Variants in TTC3 observed in about 807,000 individuals in gnomAD.
The protein encoded by TTC3 is E3 ubiquitin-protein ligase TTC3.
A neutral mutation model predicts 249.6 loss-of-function variants in TTC3; 180 were observed. The ratio of observed to expected loss-of-function variants is 0.72; its 90% confidence interval spans 0.64 to 0.82. TTC3 has a LOEUF of 0.82. Ranked by LOEUF, TTC3 falls within the 40% of genes least tolerant of loss-of-function variation. TTC3 has a pLI of 0.00. For synonymous variants in TTC3, 717 were observed against 805.0 expected (o/e 0.89, Z 1.85); for missense variants, 2,061 against 2,398.4 (o/e 0.86, Z 2.94).
chr21:37,150,285 A>T (rs2079344177), intron 24 of TTC3, 115 bp downstream of exon 24: 2 of 748,078 alleles, frequency 2.7e-6, no homozygotes, highest in Admixed American at 5.5e-5. Flanking sequence ...GGAAAGAAAC[A>T]ATTACTTCAT....
exon 29 of TTC3, chr21:37,159,737 G>A (rs1052336817): frequency 6.2e-6 from 10 of 1,612,388 alleles, no homozygotes; most frequent in Non-Finnish European, 8.5e-6. Context: ...AGATAGTGGT[G>A]AAGCACCGGT....
chr21:37,192,693 A>G (rs2084325085), intron 41 of TTC3, among the ~76,000 whole-genome samples: 1 of 152,224 alleles, frequency 6.6e-6, no homozygotes, highest in Non-Finnish European at 1.5e-5. Context: ...TTCCTCCTCA[A>G]ATACAGAATA....
chr21:37,129,903 C>T (rs925659936), intron 16 of TTC3, among the ~76,000 whole-genome samples: 2 of 152,324 alleles, frequency 1.3e-5, no homozygotes, highest in South Asian at 2.1e-4. Context: ...CCTTGGCCTC[C>T]CAGAGTGCTG....
At chr21:37,126,033 G>A in intron 14 of TTC3, 47 bp from the exon 15 acceptor site, 1 of 1,464,370 alleles carries the variant, frequency 6.8e-7, no homozygotes, top group Non-Finnish European at 9.3e-7. Context: ...ATTCTTCATG[G>A]CTGGGTTGTT....
Position 37,079,517 on chromosome 21 carries a change from G to GTTTT in TTC3, c.-12+6184_-12+6187dup, listed in dbSNP as rs60361476. Among the ~76,000 whole-genome samples, 226 of 91,108 alleles carry GTTTT rather than the reference G, an allele frequency of 2.5e-3. 17 individuals are homozygous for GTTTT. Among genetic ancestry groups the GTTTT allele is most frequent in the African/African-American group, 8.7e-3 (181 of 20,720 alleles). 59.8% of individuals were successfully genotyped at this position (91,108 alleles called of 152,430 possible). A position where few individuals can be genotyped will look rare whatever the true frequency, so the allele number is the denominator to read the frequency against. On this transcript the variant is annotated intron_variant, in intron 1 of 45. Coordinates refer to ENST00000355666, the Ensembl canonical transcript of TTC3. ...GTCCTTTCATCAAGTTTATGGTATG[G>GTTTT]TTTTTTTTTTTTTTTTTTTTTTTTT...
In TTC3 at chr21:37,185,103, C is replaced by A. The variant is rs796626924; in HGVS notation, c.4758-603C>A. Among the ~76,000 whole-genome samples, 9 of 152,284 alleles carry A rather than the reference C, an allele frequency of 5.9e-5. No individual in the cohort carries two copies. In the South Asian group the frequency reaches 1.4e-3, roughly 25 times the overall value. On this transcript the variant is annotated intron_variant, in intron 36 of 45. Coordinates refer to ENST00000355666, the Ensembl canonical transcript of TTC3. ...AGAAGTAAAATAATAGTTAAACTGG[C>A]TTGTATTAGAAACAAGCGGCTTTAG...
At chr21:37,159,882 G>T (rs369223330) in intron 29 of TTC3, 137 bp downstream of exon 29, 7 of 592,578 alleles carry the variant, frequency 1.2e-5, no homozygotes, top group East Asian at 3.2e-5. Context: ...TGGGTAGTAC[G>T]TACTATTATT....
rs941243969 is a variant in TTC3, at chr21:37,073,475, T to G, written c.-12+111T>G. The G allele has an allele frequency of 1.5e-5, 15 of 985,242 alleles. No individual in the cohort carries two copies. The highest frequency in any genetic ancestry group is 1.8e-5 in the Non-Finnish European group (15 of 829,944). 61.0% of individuals were successfully genotyped at this position (985,242 alleles called of 1,614,324 possible). A position where few individuals can be genotyped will look rare whatever the true frequency, so the allele number is the denominator to read the frequency against. On this transcript the variant is annotated intron_variant, in intron 1 of 45. Coordinates refer to ENST00000355666, the Ensembl canonical transcript of TTC3. ...CCACACCCCCTCCGTGGGTGTGTGG[T>G]GAGTGTGGGTGTGTGCGCGTCTCCT...
chr21:37,148,583 T>C (rs576238256), exon 23 of TTC3: 2 of 1,603,346 alleles, frequency 1.2e-6, no homozygotes, highest in East Asian at 4.5e-5. Flanking sequence ...TACTGTAAAA[T>C]AGAATTTCAC....
intron 28 of TTC3, chr21:37,159,438 C>T (rs1037005109): frequency 4.8e-6 from 2 of 414,790 alleles, no homozygotes; most frequent in Non-Finnish European, 8.5e-6. Flanking sequence ...CATCTCTATT[C>T]CCAGGACTAG....
intron 13 of TTC3, 134 bp downstream of exon 13, chr21:37,123,162 A>G: frequency 1.2e-6 from 1 of 861,006 alleles, no homozygotes; most frequent in Non-Finnish European, 1.9e-6. Context: ...GAAGAGAGGT[A>G]GTTTTTTAAG....
At chr21:37,104,130 G>A (rs1416966434) in intron 10 of TTC3, among the ~76,000 whole-genome samples, 8 of 152,168 alleles carry the variant, frequency 5.3e-5, no homozygotes, top group South Asian at 2.1e-4. Flanking sequence ...GAAGTTGCTC[G>A]TGGTTGGTGT....
chr21:37,148,162 A>G (rs966445903), intron 22 of TTC3, among the ~76,000 whole-genome samples: 13 of 152,206 alleles, frequency 8.5e-5, no homozygotes, highest in African/African-American at 3.1e-4. Context: ...TTAGGAGGAT[A>G]GGAAACAAAG....
At chr21:37,179,286 C>T (rs1455461266) in intron 35 of TTC3, among the ~76,000 whole-genome samples, 1 of 151,840 alleles carries the variant, frequency 6.6e-6, no homozygotes, top group Admixed American at 6.5e-5. Flanking sequence ...GACCCTGTCT[C>T]AAAAAAACAA....
In TTC3 at chr21:37,128,032, G is replaced by A. The variant is rs184152105; in HGVS notation, c.1298-971G>A. ...CCACCCTTCAGCATTTACATACAGG[G>A]GAAGAAATTGAGGTTCCAGGATTAA... On this transcript the variant is annotated intron_variant, in intron 15 of 45. Transcript: ENST00000355666. 2.5e-3 allele frequency among the ~76,000 whole-genome samples: 388 copies of A among 152,216 alleles called. 6 individuals are homozygous for A. The highest frequency in any genetic ancestry group is 4.3e-4 in the Non-Finnish European group (29 of 68,008).
chr21:37,126,038 GTTGT>G lies in TTC3; in HGVS notation c.1234-39_1234-36del, dbSNP rs1362936749. The G allele has an allele frequency of 8.8e-6, 12 of 1,358,950 alleles. No homozygotes were observed. The Admixed American group carries it at 9.8e-5, about 11-fold the overall frequency. 84.2% of individuals were successfully genotyped at this position (1,358,950 alleles called of 1,614,324 possible). A position where few individuals can be genotyped will look rare whatever the true frequency, so the allele number is the denominator to read the frequency against. On this transcript the variant is annotated intron_variant, in intron 14 of 45. Transcript: ENST00000355666. Reference sequence around the variant, plus strand: ...TAGCTATTGAATTCTTCATGGCTGGGTTGTTTTTTTTTTTTTTAAGTCTCACTAA... The same window carrying G: ...TAGCTATTGAATTCTTCATGGCTGGGTTTTTTTTTTTTTAAGTCTCACTAA...
intron 27 of TTC3, among the ~76,000 whole-genome samples, chr21:37,156,195 C>G (rs1049342304): frequency 8.3e-6 from 1 of 119,960 alleles, no homozygotes; most frequent in Non-Finnish European, 1.6e-5. Context: ...TACCACCATG[C>G]CTGGCTAACT....
At chr21:37,082,430 T>C (rs1601241442) in intron 1 of TTC3, 10 of 928,648 alleles carry the variant, frequency 1.1e-5, no homozygotes, top group Non-Finnish European at 1.3e-5. Context: ...ATCTTTGTGG[T>C]GATCTTGAGA....
chr21:37,085,402 A>G (rs2072314630), intron 1 of TTC3, among the ~76,000 whole-genome samples: 1 of 152,224 alleles, frequency 6.6e-6, no homozygotes, highest in Non-Finnish European at 1.5e-5. Context: ...AAGGTCATTA[A>G]TGATCCTAAT....
Sources: allele counts gnomAD v4.1 joint callset (sites outside exome capture counted in the v4.1 genomes callset), GRCh38; gene constraint gnomAD v4.1.1; transcripts MANE v1.5; gene names NCBI Gene and HGNC (gene_info 2026-07-23, HGNC 2026-07-21).